The following TRAPPC12 variants were observed in gnomAD, a reference collection of about 807,000 sequenced individuals.
TRAPPC12 encodes trafficking protein particle complex subunit 12.
TRAPPC12 carries 61 observed loss-of-function variants against 69.2 expected under a neutral mutation model. That is an observed-to-expected ratio of 0.88 (90% CI 0.72 to 1.09). The LOEUF (loss-of-function observed/expected upper bound fraction) is 1.09. TRAPPC12 is among the 50% of genes least tolerant of loss of function. The pLI, the probability that TRAPPC12 is intolerant of heterozygous loss-of-function variation, is 0.00. For missense variants in TRAPPC12, 1,101 were observed against 1,016.4 expected (o/e 1.08, Z -1.13); for synonymous variants, 469 against 438.9 (o/e 1.07, Z -0.86).
chr2:3,390,363 C>T (rs1242756127), intron 2 of TRAPPC12, among the ~76,000 whole-genome samples: 2 of 152,160 alleles, frequency 1.3e-5, no homozygotes, highest in Non-Finnish European at 2.9e-5. Context: ...TGTGCATATT[C>T]TTTGACCCAG....
intron 7 of TRAPPC12, 83 bp downstream of exon 7, chr2:3,457,776 TCTC>T: frequency 6.4e-7 from 1 of 1,559,886 alleles, no homozygotes. Context: ...TTCCTCTCCT[TCTC>T]CTTTCCTTTC....
intron 2 of TRAPPC12, chr2:3,389,536 G>A (rs1038096258): frequency 7.7e-6 from 3 of 391,830 alleles, no homozygotes; most frequent in African/African-American, 4.1e-5. Flanking sequence ...CCCGAAGCCC[G>A]AGAGGGGATG....
At chr2:3,454,349 G>T in intron 6 of TRAPPC12, among the ~76,000 whole-genome samples, 1 of 146,828 alleles carries the variant, frequency 6.8e-6, no homozygotes, top group South Asian at 2.3e-4. Context: ...GGGTCTGGAG[G>T]GGTGTAGCCT....
At chr2:3,390,834 G>C (rs533086923) in intron 2 of TRAPPC12, among the ~76,000 whole-genome samples, 5 of 152,198 alleles carry the variant, frequency 3.3e-5, no homozygotes, top group African/African-American at 1.2e-4. Flanking sequence ...TGTGTGTAGG[G>C]GGACAGGCAA....
intron 5 of TRAPPC12, among the ~76,000 whole-genome samples, chr2:3,424,936 G>A (rs1271653647): frequency 2.0e-5 from 3 of 152,256 alleles, no homozygotes; most frequent in Admixed American, 6.5e-5. Flanking sequence ...TGGTGCAGGG[G>A]CCGGGTAGTA....
intron 3 of TRAPPC12, 185 bp from the exon 4 acceptor site, chr2:3,421,696 G>T: frequency 2.8e-6 from 2 of 717,478 alleles, no homozygotes; most frequent in East Asian, 5.4e-5. Flanking sequence ...AATTACACGT[G>T]CAGCGTTGAC....
At chr2:3,466,487 C>T (rs972736166) in intron 9 of TRAPPC12, 9 of 432,826 alleles carry the variant, frequency 2.1e-5, no homozygotes, top group South Asian at 3.4e-5. Context: ...AAGTGATATC[C>T]AGCTACAGGA....
At chr2:3,425,590 A>G (rs1264284732) in intron 5 of TRAPPC12, among the ~76,000 whole-genome samples, 1 of 152,034 alleles carries the variant, frequency 6.6e-6, no homozygotes, top group Admixed American at 6.5e-5. Context: ...TACCAACTGT[A>G]TTTGCTGGTT....
chr2:3,424,031 G>T (rs539526852), intron 4 of TRAPPC12, among the ~76,000 whole-genome samples: 1 of 152,088 alleles, frequency 6.6e-6, no homozygotes, highest in Non-Finnish European at 1.5e-5. Flanking sequence ...CCATCCCTGC[G>T]CTTCCTCTCC....
At chr2:3,413,491 G>T (rs1478696198) in intron 3 of TRAPPC12, among the ~76,000 whole-genome samples, 1 of 152,166 alleles carries the variant, frequency 6.6e-6, no homozygotes, top group Non-Finnish European at 1.5e-5. Context: ...TTCTGAAAAG[G>T]TGACACACGT....
rs370867397 is a variant in TRAPPC12, at chr2:3,435,683, T to C, written c.1418-8096T>C. On this transcript the variant is annotated intron_variant, in intron 5 of 11. Coordinates refer to ENST00000324266, the MANE Select transcript of TRAPPC12 (RefSeq NM_016030.6). ...AAGCAGGTGTTTGGTCCCCAAGGCC[T>C]CACAGAAGTTCAGGCAGAATTTCAT... Among the ~76,000 whole-genome samples the C allele has an allele frequency of 3.0e-3, 459 of 152,320 alleles. 8 individuals carry two copies. The highest frequency in any genetic ancestry group is 0.011 in the African/African-American group (445 of 41,568).
At chr2:3,471,069 C>T (rs1666037152) in intron 9 of TRAPPC12, among the ~76,000 whole-genome samples, 1 of 152,182 alleles carries the variant, frequency 6.6e-6, no homozygotes, top group Admixed American at 6.5e-5. Context: ...CCAACAGTTG[C>T]CCGGTCACAC....
chr2:3,458,276 C>T (rs572112118), intron 7 of TRAPPC12: 5 of 987,004 alleles, frequency 5.1e-6, no homozygotes, highest in East Asian at 1.1e-4. Context: ...AGCAAGCTTC[C>T]GATCATGCTT....
In TRAPPC12 at chr2:3,387,681, C is replaced by A. The variant is rs368311025; in HGVS notation, c.58C>A (p.Gln20Lys). Residue 20 changes from glutamine to lysine, a missense_variant, in exon 2 of 12, where the codon CAG (glutamine) becomes AAG (lysine). Physicochemically the swap from Gln to Lys is moderately conservative, Grantham distance 53. Coordinates refer to ENST00000324266, the MANE Select transcript of TRAPPC12 (RefSeq NM_016030.6). ...GGCCCCGGAGGCCCCGCACCCCCCT[C>A]AGCTCGCGCCTCCGGAGGAGCAGGG... ...TPAPEAPHPP[Q>K]LAPPEEQGLL... The A allele has an allele frequency of 8.5e-5, 132 of 1,559,970 alleles. No individual in the cohort carries two copies. In the African/African-American group the frequency reaches 1.5e-3, roughly 18 times the overall value.
chr2:3,469,870 A>T (rs1383987605), intron 9 of TRAPPC12, among the ~76,000 whole-genome samples: 2 of 152,244 alleles, frequency 1.3e-5, no homozygotes, highest in East Asian at 3.8e-4. Context: ...ACATTGTAAC[A>T]TCTGAAGTCA....
At chr2:3,441,671 TATA>T (rs1183890660) in intron 5 of TRAPPC12, among the ~76,000 whole-genome samples, 2 of 148,712 alleles carry the variant, frequency 1.3e-5, no homozygotes, top group Admixed American at 6.7e-5. Context: ...ATTATTTTCT[TATA>T]ATAAAATATT....
At chr2:3,385,577 A>T (rs1400154271) in intron 1 of TRAPPC12, among the ~76,000 whole-genome samples, 1 of 152,232 alleles carries the variant, frequency 6.6e-6, no homozygotes, top group Non-Finnish European at 1.5e-5. Context: ...TCATCTTCAC[A>T]ATAGTAAGAA....
chr2:3,382,130 CT>C (rs70938942), intron 1 of TRAPPC12, among the ~76,000 whole-genome samples: 2,181 of 93,504 alleles, frequency 0.023, 31 homozygotes, highest in African/African-American at 0.079. Context: ...TTTATTTCCA[CT>C]TTTTTTTTTT....
At chr2:3,382,104 G>A (rs1388989196) in intron 1 of TRAPPC12, among the ~76,000 whole-genome samples, 1 of 141,150 alleles carries the variant, frequency 7.1e-6, no homozygotes, top group African/African-American at 2.6e-5. Context: ...ACTTATTATT[G>A]TGTCTACAGG....
Sources: allele counts gnomAD v4.1 joint callset (sites outside exome capture counted in the v4.1 genomes callset), GRCh38; gene constraint gnomAD v4.1.1; transcripts MANE v1.5; gene names NCBI Gene and HGNC (gene_info 2026-07-23, HGNC 2026-07-21).